GPX6: variants seen among roughly 807,000 people sequenced by gnomAD.
GPX6 encodes the protein glutathione peroxidase 6 (olfactory).
A neutral mutation model predicts 20.0 loss-of-function variants in GPX6; 21 were observed. The observed-to-expected ratio is 1.05, with a 90% CI of 0.74 to 1.51. GPX6 has a LOEUF of 1.51. Among genes scored for constraint, GPX6 ranks in the 40% most tolerant of loss-of-function variants. The pLI is 0.00. For synonymous variants in GPX6, 75 were observed against 98.0 expected (o/e 0.77, Z 1.38); for missense variants, 233 against 254.7 (o/e 0.91, Z 0.58).
intron 1 of GPX6, among the ~76,000 whole-genome samples, chr6:28,513,679 G>A (rs1348076108): frequency 6.6e-6 from 1 of 150,756 alleles, no homozygotes; most frequent in Non-Finnish European, 1.5e-5. Context: ...TGGAACAAAA[G>A]GCTAACATGT....
rs1439527921 is a variant in GPX6 at position 28,503,496 on chromosome 6, CAAAATAAGCTTA to C, written c.*784_*795del. On this transcript the variant is annotated 3_prime_UTR_variant, in exon 5 of 5. Transcript: ENST00000361902. ...GAATTTTTAAATTTGAGACAGTGAT[CAAAATAAGCTTA>C]AAGTTGAGGAGGCTCAGGGTGAGGA... is the stretch of plus-strand genomic sequence containing the variant. 5 of 152,266 alleles carry C rather than the reference CAAAATAAGCTTA, an allele frequency of 3.3e-5. No individual in the cohort carries two copies. The highest frequency in any genetic ancestry group is 7.3e-5 in the Non-Finnish European group (5 of 68,126). The allele number at this position is 152,266 out of a possible 1,614,324, so 9.4% of individuals were successfully genotyped here.
rs1047951494 is a variant in GPX6 at position 28,510,769 on chromosome 6, A to T, written c.223T>A (p.Leu75Met). 2 of 1,613,940 alleles carry T rather than the reference A, an allele frequency of 1.2e-6. No homozygotes were observed. The highest frequency in any genetic ancestry group is 1.3e-5 in the African/African-American group (1 of 75,052). The change falls in exon 2 of 5, where the codon TTG becomes ATG. Residue 75 changes from leucine (L) to methionine (M), a missense_variant. Physicochemically the swap from Leu to Met is conservative, Grantham distance 15. Coordinates refer to ENST00000361902, the MANE Select transcript of GPX6 (RefSeq NM_182701.1). ...LFVNVAAYUGLAAQYPELNAL... is the reference protein window; with the variant it reads ...LFVNVAAYUGMAAQYPELNAL... ...TTCTTACCAGGATACTGAGCTGCCA[A>T]GCCTCAATAGGCGGCCACATTGACA...
intron 3 of GPX6, 106 bp downstream of exon 3, chr6:28,506,206 G>A: frequency 1.3e-6 from 1 of 746,168 alleles, no homozygotes; most frequent in African/African-American, 1.7e-5. Flanking sequence ...TTCAACCCAT[G>A]TATCTATGGC....
chr6:28,505,107 C>T (rs567490443), intron 4 of GPX6, among the ~76,000 whole-genome samples: 6 of 152,210 alleles, frequency 3.9e-5, no homozygotes, highest in South Asian at 2.1e-4. Context: ...TATGGGTAAA[C>T]GTAATAGTAA....
At chr6:28,512,826 G>T (rs1164846541) in intron 1 of GPX6, among the ~76,000 whole-genome samples, 2 of 151,516 alleles carry the variant, frequency 1.3e-5, no homozygotes, top group African/African-American at 2.4e-5. Flanking sequence ...CAGACGCGCT[G>T]CCTTAAGAGC....
chr6:28,513,635 A>G (rs1010179387), intron 1 of GPX6, among the ~76,000 whole-genome samples: 2 of 152,228 alleles, frequency 1.3e-5, no homozygotes, highest in African/African-American at 4.8e-5. Context: ...TTTTCTACCC[A>G]CAAGCATGCC....
intron 1 of GPX6, among the ~76,000 whole-genome samples, chr6:28,514,427 C>T (rs1297593334): frequency 6.6e-6 from 1 of 152,188 alleles, no homozygotes; most frequent in Non-Finnish European, 1.5e-5. Flanking sequence ...GAATTCCACA[C>T]CCAACCAGGC....
Position 28,503,405 on chromosome 6 carries a change from AAAG to A in GPX6, c.*884_*886del, listed in dbSNP as rs1383404143. On this transcript the variant is annotated 3_prime_UTR_variant, in exon 5 of 5. Coordinates refer to ENST00000361902, the MANE Select transcript of GPX6 (RefSeq NM_182701.1). ...AGAAAGCAGGGACAAAGTGACAGAG[AAAG>A]AAGAAGTATGACTGGACATAATATG... The A allele has an allele frequency of 3.3e-5, 5 of 152,452 alleles. No individual in the cohort carries two copies. The highest frequency in any genetic ancestry group is 1.9e-4 in the East Asian group (1 of 5,194). The allele number at this position is 152,452 out of a possible 1,614,324, so 9.4% of individuals were successfully genotyped here.
At chr6:28,506,454 G>A in intron 2 of GPX6, 25 bp from the exon 3 acceptor site, 1 of 1,390,018 alleles carries the variant, frequency 7.2e-7, no homozygotes, top group South Asian at 1.2e-5. Flanking sequence ...TGAATAGCAG[G>A]GGTGGGCTGG....
intron 2 of GPX6, among the ~76,000 whole-genome samples, chr6:28,507,852 TC>T (rs1762821606): frequency 6.6e-6 from 1 of 152,202 alleles, no homozygotes; most frequent in Non-Finnish European, 1.5e-5. Context: ...TACCTTGGTC[TC>T]CCAAAGTGCT....
intron 1 of GPX6, among the ~76,000 whole-genome samples, chr6:28,515,432 A>C (rs1231474695): frequency 1.3e-5 from 2 of 152,222 alleles, no homozygotes; most frequent in Non-Finnish European, 2.9e-5. Context: ...CACTCCACAT[A>C]CATTCAGTTC....
chr6:28,512,886 C>T (rs1762924983), intron 1 of GPX6, among the ~76,000 whole-genome samples: 1 of 152,088 alleles, frequency 6.6e-6, no homozygotes. Context: ...GCCTCTGCAG[C>T]TTCACTCTTG....
chr6:28,510,951 T>C (rs774094036), intron 1 of GPX6, 47 bp from the exon 2 acceptor site: 2 of 1,518,428 alleles, frequency 1.3e-6, no homozygotes, highest in Non-Finnish European at 9.0e-7. Flanking sequence ...TAAAAAATAA[T>C]TCCCAACATT....
In GPX6 at chr6:28,504,333, A is replaced by C. The variant is rs745693217; in HGVS notation, c.625T>G (p.Ser209Ala). 2 of 1,614,136 alleles carry C rather than the reference A, an allele frequency of 1.2e-6. No individual in the cohort carries two copies. The highest frequency in any genetic ancestry group is 8.5e-7 in the Non-Finnish European group (1 of 1,180,022). Residue 209 changes from serine (S) to alanine (A), a missense_variant, in exon 5 of 5, where the codon TCA becomes GCA. By Grantham distance (99) the Ser-to-Ala change is moderately conservative. Transcript: ENST00000361902. ...TGCTTTAGGTACTCCAGGATGTCTG[A>C]CTTGACTGTGCTGACTGGAGCCTGG... ...FHQAPVSTVK[S>A]DILEYLKQFN...
Position 28,506,336 on chromosome 6 carries a change from T to C in GPX6, c.335A>G (p.Asn112Ser). 1 of 1,612,464 alleles carries C rather than the reference T, an allele frequency of 6.2e-7. No homozygotes were observed. Among genetic ancestry groups the C allele is most frequent in the Non-Finnish European group, 8.5e-7 (1 of 1,178,558 alleles). ...CTTGAGACCAAGAAGTATTTCTGAG[T>C]TTGTTCCTGGTTCTTGTTTTCCAAA... ...NQFGKQEPGT[N>S]SEILLGLKYV... The change falls in exon 3 of 5, where the codon AAC becomes AGC. Residue 112 changes from asparagine to serine, a missense_variant. Transcript: ENST00000361902.
At chr6:28,509,363 T>C (rs1489090770) in intron 2 of GPX6, among the ~76,000 whole-genome samples, 1 of 93,046 alleles carries the variant, frequency 1.1e-5, no homozygotes, top group Non-Finnish European at 2.1e-5. Flanking sequence ...CTGCTAAAAA[T>C]GCAAAAAAAA....
chr6:28,503,414 G>A lies in GPX6; in HGVS notation c.*878C>T, dbSNP rs1040767644. ...GGACAAAGTGACAGAGAAAGAAGAA[G>A]TATGACTGGACATAATATGGGACTG... On this transcript the variant is annotated 3_prime_UTR_variant, in exon 5 of 5. Coordinates refer to ENST00000361902, the MANE Select transcript of GPX6 (RefSeq NM_182701.1). 1 of 152,344 alleles carries A rather than the reference G, an allele frequency of 6.6e-6. No homozygotes were observed. Among genetic ancestry groups the A allele is most frequent in the African/African-American group, 2.4e-5 (1 of 41,472 alleles). The allele number at this position is 152,344 out of a possible 1,614,324, so 9.4% of individuals were successfully genotyped here.
In GPX6 at chr6:28,504,194, C is replaced by A. The variant is rs1762783863; in HGVS notation, c.*98G>T. On this transcript the variant is annotated 3_prime_UTR_variant, in exon 5 of 5. Transcript: ENST00000361902. ...TTTGGTCATCAGGAGGCTGGGTAGGCACGAGTGTGGAGCAAAGAAGGAGGA... is the reference window on the plus strand; with the variant it reads ...TTTGGTCATCAGGAGGCTGGGTAGGAACGAGTGTGGAGCAAAGAAGGAGGA... The A allele has an allele frequency of 8.2e-7, 1 of 1,217,880 alleles. No homozygotes were observed. Among genetic ancestry groups the A allele is most frequent in the East Asian group, 2.4e-5 (1 of 42,176 alleles). 75.4% of individuals were successfully genotyped at this position (1,217,880 alleles called of 1,614,324 possible). A position where few individuals can be genotyped will look rare whatever the true frequency, so the allele number is the denominator to read the frequency against.
Position 28,504,439 on chromosome 6 carries a change from G to A in GPX6, c.519C>T (p.Pro173=), listed in dbSNP as rs1762786917. The stretch of plus-strand genomic sequence containing the variant: ...TCCAGCGGATATCATGGACCTTCAT[G>A]GGCTCCCAGAAGAGTTGGCTTGATG... ...LGSSSQLFWE[P]MKVHDIRWNF... is the part of the protein sequence containing the mutation. The change falls in exon 5 of 5, where the codon CCC becomes CCT. Residue 173 remains proline (P), a synonymous_variant. Coordinates refer to ENST00000361902, the MANE Select transcript of GPX6 (RefSeq NM_182701.1). 1 of 1,614,158 alleles carries A rather than the reference G, an allele frequency of 6.2e-7. No homozygotes were observed. Among genetic ancestry groups the A allele is most frequent in the Non-Finnish European group, 8.5e-7 (1 of 1,180,038 alleles).
Sources: allele counts gnomAD v4.1 joint callset (sites outside exome capture counted in the v4.1 genomes callset), GRCh38; gene constraint gnomAD v4.1.1; transcripts MANE v1.5; gene names NCBI Gene and HGNC (gene_info 2026-07-23, HGNC 2026-07-21).